ADAMTSL3: variants seen among roughly 807,000 people sequenced by gnomAD.
ADAMTSL3 encodes ADAMTS-like protein 3.
In ADAMTSL3, 128 loss-of-function variants were observed where a neutral mutation model predicts 201.7. The ratio of observed to expected loss-of-function variants is 0.63; its 90% CI spans 0.55 to 0.73. The LOEUF is 0.73. Ranked by LOEUF, ADAMTSL3 falls within the 30% of genes least tolerant of loss-of-function variation. The pLI is 0.00. For missense variants in ADAMTSL3, 1,990 were observed against 2,119.6 expected, an observed-to-expected ratio of 0.94 and a Z score of 1.20; for synonymous variants, 738 against 748.4, an observed-to-expected ratio of 0.99 and a Z score of 0.23.
At chr15:83,729,546 T>C (rs2062233222) in intron 3 of ADAMTSL3, among the ~76,000 whole-genome samples, 1 of 152,064 alleles carries the variant, frequency 6.6e-6, no homozygotes, top group Non-Finnish European at 1.5e-5. Flanking sequence ...GGGATTCTGA[T>C]GCATTCTTCT....
At chr15:83,720,326 A>C (rs1312742079) in intron 3 of ADAMTSL3, among the ~76,000 whole-genome samples, 1 of 152,232 alleles carries the variant, frequency 6.6e-6, no homozygotes. Context: ...CAAATTCACT[A>C]GAAAAAATTA....
At chr15:83,799,689 A>G (rs1043079116) in intron 4 of ADAMTSL3, among the ~76,000 whole-genome samples, 3 of 152,180 alleles carry the variant, frequency 2.0e-5, no homozygotes, top group Admixed American at 1.3e-4. Flanking sequence ...ATATATTCAT[A>G]AATTTATGAC....
chr15:83,784,403 C>T (rs1300399993), intron 4 of ADAMTSL3, among the ~76,000 whole-genome samples: 2 of 152,282 alleles, frequency 1.3e-5, no homozygotes, highest in South Asian at 4.1e-4. Flanking sequence ...TTTATGTACT[C>T]TCTTTTAATT....
intron 4 of ADAMTSL3, among the ~76,000 whole-genome samples, chr15:83,785,013 A>G (rs558714954): frequency 1.2e-4 from 18 of 152,252 alleles, no homozygotes; most frequent in African/African-American, 2.6e-4. Context: ...CTGATTGTCA[A>G]TTGCTGCTTT....
chr15:83,839,310 A>G (rs1312190933), intron 7 of ADAMTSL3, among the ~76,000 whole-genome samples: 1 of 152,166 alleles, frequency 6.6e-6, no homozygotes. Context: ...AGGAAACACA[A>G]AGTTCATGGC....
intron 3 of ADAMTSL3, among the ~76,000 whole-genome samples, chr15:83,765,709 A>C (rs1192543283): frequency 6.6e-6 from 1 of 152,076 alleles, no homozygotes; most frequent in East Asian, 1.9e-4. Context: ...CTTTTTTGGA[A>C]TTTTTCATCC....
rs1567093388 is a variant in ADAMTSL3 at position 83,714,872 on chromosome 15, CCCTCCCTTCCTTCCTTCCTTCCTT to C, written c.189+10368_189+10391del. 2.9e-4 allele frequency among the ~76,000 whole-genome samples: 3 copies of C among 10,440 alleles called. No individual in the cohort carries two copies. In the African/African-American group the frequency reaches 3.2e-3, roughly 11 times the overall value. 6.8% of individuals were successfully genotyped at this position (10,440 alleles called of 152,430 possible). On this transcript the variant is annotated intron_variant, in intron 3 of 29. Coordinates refer to ENST00000286744, the MANE Select transcript of ADAMTSL3 (RefSeq NM_207517.3). ...TCTTTCCCTCCCTCCCTCCCTCCCT[CCCTCCCTTCCTTCCTTCCTTCCTT>C]CCTTCCTTCCTTCCTTCCTTCCTTC...
At chr15:83,963,850 T>A (rs73443149) in intron 19 of ADAMTSL3, among the ~76,000 whole-genome samples, 8,511 of 152,198 alleles carry the variant, frequency 0.056, 791 homozygotes, top group African/African-American at 0.2. Flanking sequence ...CATCTGCTGG[T>A]GATACTCAGG....
intron 8 of ADAMTSL3, 73 bp from the exon 9 acceptor site, chr15:83,870,729 T>C: frequency 7.8e-7 from 1 of 1,281,674 alleles, no homozygotes; most frequent in South Asian, 1.5e-5. Flanking sequence ...TGACATTGTA[T>C]TTGCTAAAAT....
At chr15:83,877,461 A>T (rs1379546040) in intron 9 of ADAMTSL3, among the ~76,000 whole-genome samples, 1 of 152,152 alleles carries the variant, frequency 6.6e-6, no homozygotes, top group Non-Finnish European at 1.5e-5. Flanking sequence ...TGTTTCATTG[A>T]TCTGTTTGTT....
At chr15:83,882,394 T>C (rs2065291319) in intron 9 of ADAMTSL3, among the ~76,000 whole-genome samples, 1 of 152,186 alleles carries the variant, frequency 6.6e-6, no homozygotes, top group Non-Finnish European at 1.5e-5. Context: ...TTTTATGTCA[T>C]TTTGTAATTA....
chr15:83,699,517 G>A (rs971370513), intron 2 of ADAMTSL3, among the ~76,000 whole-genome samples: 2 of 152,308 alleles, frequency 1.3e-5, no homozygotes, highest in South Asian at 4.1e-4. Context: ...AGTACCAACA[G>A]CCTTCCAACT....
In ADAMTSL3 at chr15:84,014,619, T is replaced by C. The variant is rs570022848; in HGVS notation, c.4051T>C (p.Ser1351Pro). Residue 1351 changes from serine (S) to proline (P), a missense_variant, in exon 24 of 30, where the codon TCC becomes CCC. By Grantham distance (74) the Ser-to-Pro change is moderately conservative. Coordinates refer to ENST00000286744, the MANE Select transcript of ADAMTSL3 (RefSeq NM_207517.3). ...SGNVSLLFNG[S>P]LLLQNVSLEN... is the part of the protein sequence containing the mutation. ...CAATGTTTCCTTGCTTTTCAATGGATCCCTGTTGTTGCAGAATGTTTCCCT... is the reference window on the plus strand; with the variant it reads ...CAATGTTTCCTTGCTTTTCAATGGACCCCTGTTGTTGCAGAATGTTTCCCT... 111 of 1,613,838 alleles carry C rather than the reference T, an allele frequency of 6.9e-5. 1 individual carries two copies. In the South Asian group the frequency reaches 1.2e-3, roughly 17 times the overall value.
chr15:83,678,527 T>C (rs117039111), intron 2 of ADAMTSL3, among the ~76,000 whole-genome samples: 2,097 of 151,818 alleles, frequency 0.014, 21 homozygotes, highest in South Asian at 0.029. Context: ...TTCCTGTAGG[T>C]AATGCATTGT....
At chr15:83,980,227 G>C (rs1052080737) in intron 20 of ADAMTSL3, among the ~76,000 whole-genome samples, 1 of 152,108 alleles carries the variant, frequency 6.6e-6, no homozygotes. Flanking sequence ...ACCTGCTCAG[G>C]CCACTCTGCC....
rs191651161 is a variant in ADAMTSL3 at position 83,654,985 on chromosome 15, G to A, written c.-34+709G>A. ...CGCCAAGGCGCCCGCGAGGCGAAGC[G>A]GGAGTCGAGTGTGACCTCGGCTTTT... On this transcript the variant is annotated intron_variant, in intron 1 of 29. Coordinates refer to ENST00000286744, the MANE Select transcript of ADAMTSL3 (RefSeq NM_207517.3). The surrounding 1 kb of genome is among the most constrained non-coding windows in gnomAD (Gnocchi z 5.3). Among the ~76,000 whole-genome samples the A allele has an allele frequency of 1.5e-3, 234 of 151,642 alleles. No individual in the cohort carries two copies. Among genetic ancestry groups the A allele is most frequent in the Middle Eastern group, 0.014 (4 of 290 alleles).
rs147563975 is a variant in ADAMTSL3 at position 84,026,298 on chromosome 15, T to C, written c.4656+862T>C. Among the ~76,000 whole-genome samples, 1,244 of 152,230 alleles carry C rather than the reference T, an allele frequency of 8.2e-3. 19 individuals carry two copies. The highest frequency in any genetic ancestry group is 0.027 in the African/African-American group (1,106 of 41,564). ...AAATAGAAGATATAAAACTACAAAA[T>C]ATTTTTCAAAGAAACTAAAGAAGAT... On this transcript the variant is annotated intron_variant, in intron 27 of 29. Transcript: ENST00000286744.
In ADAMTSL3 at chr15:84,037,754, G is replaced by T. The variant is rs375755706; in HGVS notation, c.5024G>T (p.Cys1675Phe). The T allele has an allele frequency of 1.9e-6, 3 of 1,613,776 alleles. No homozygotes were observed. Among genetic ancestry groups the T allele is most frequent in the Non-Finnish European group, 8.5e-7 (1 of 1,179,892 alleles). The part of the protein sequence containing the change: ...YCMFVKHLNL[C>F]SLDRYKQRCC... Reference sequence around the variant, plus strand: ...ATGTTTGTAAAACATCTTAATTTGTGTTCTCTAGACCGCTACAAACAAAGG... The same window carrying T: ...ATGTTTGTAAAACATCTTAATTTGTTTTCTCTAGACCGCTACAAACAAAGG... Residue 1675 changes from cysteine (C) to phenylalanine (F), a missense_variant, in exon 30 of 30, where the codon TGT (cysteine) becomes TTT (phenylalanine). Cys to Phe is a radical substitution (Grantham distance 205, BLOSUM62 -2). Coordinates refer to ENST00000286744, the MANE Select transcript of ADAMTSL3 (RefSeq NM_207517.3).
intron 2 of ADAMTSL3, among the ~76,000 whole-genome samples, chr15:83,668,531 T>TA (rs944321222): frequency 1.2e-4 from 18 of 152,118 alleles, no homozygotes; most frequent in African/African-American, 4.3e-4. Flanking sequence ...TCAGTAACTT[T>TA]AAAAAATGGG....
Sources: allele counts gnomAD v4.1 joint callset (sites outside exome capture counted in the v4.1 genomes callset), GRCh38; gene constraint gnomAD v4.1.1; non-coding constraint Gnocchi (gnomAD v3.1); transcripts MANE v1.5; gene names NCBI Gene and HGNC (gene_info 2026-07-23, HGNC 2026-07-21).